Variants in NAALADL2 observed in about 807,000 individuals in gnomAD.
NAALADL2 encodes the protein inactive N-acetylated-alpha-linked acidic dipeptidase-like protein 2.
In NAALADL2, 76 loss-of-function variants were observed where a neutral mutation model predicts 87.2. That is an observed-to-expected ratio of 0.87 (90% confidence interval 0.72 to 1.05). The LOEUF (loss-of-function observed/expected upper bound fraction) is 1.05, where lower values mean the gene tolerates loss of function less well. NAALADL2 is among the 50% of genes least tolerant of loss of function. The pLI is 0.00. For synonymous variants in NAALADL2, 354 were observed against 331.0 expected, an observed-to-expected ratio of 1.07 and a Z score of -0.75; for missense variants, 1,089 against 945.8, an observed-to-expected ratio of 1.15 and a Z score of -1.99.
At chr3:175,689,402 T>TCCTAAAATTC (rs1736744978) in intron 11 of NAALADL2, among the ~76,000 whole-genome samples, 1 of 152,100 alleles carries the variant, frequency 6.6e-6, no homozygotes, top group Non-Finnish European at 1.5e-5. Context: ...CTAGGAAGCT[T>TCCTAAAATTC]CAACTATATA....
At chr3:175,534,755 T>G (rs1344977582) in intron 9 of NAALADL2, among the ~76,000 whole-genome samples, 3 of 152,104 alleles carry the variant, frequency 2.0e-5, no homozygotes, top group African/African-American at 7.2e-5. Context: ...ATGCTCCTGG[T>G]AAAAGAATGA....
chr3:174,622,184 G>T (rs1248830439), intron 2 of NAALADL2, among the ~76,000 whole-genome samples: 2 of 152,154 alleles, frequency 1.3e-5, no homozygotes, highest in Non-Finnish European at 2.9e-5. Context: ...TTGCCTCTTA[G>T]CTGGGCAAAT....
chr3:174,886,074 C>T (rs1324727579), intron 1 of NAALADL2, among the ~76,000 whole-genome samples: 2 of 151,438 alleles, frequency 1.3e-5, no homozygotes, highest in Non-Finnish European at 2.9e-5. Context: ...CCACCACGCC[C>T]AGCTAATTTT....
chr3:175,680,642 A>T (rs758757584), intron 11 of NAALADL2, among the ~76,000 whole-genome samples: 1 of 152,196 alleles, frequency 6.6e-6, no homozygotes, highest in Non-Finnish European at 1.5e-5. Context: ...TAGTACAGAT[A>T]AGCAAACTGA....
At chr3:175,674,218 T>C (rs1182201976) in intron 11 of NAALADL2, among the ~76,000 whole-genome samples, 3 of 152,030 alleles carry the variant, frequency 2.0e-5, no homozygotes, top group African/African-American at 7.2e-5. Flanking sequence ...TTGCATTTTG[T>C]TTTGTAAAAG....
intron 11 of NAALADL2, among the ~76,000 whole-genome samples, chr3:175,720,192 C>T (rs1742032009): frequency 6.6e-6 from 1 of 152,082 alleles, no homozygotes. Context: ...GTATACACAA[C>T]AATCCATCTG....
chr3:175,732,401 T>G (rs988463176), intron 11 of NAALADL2, among the ~76,000 whole-genome samples: 8 of 152,180 alleles, frequency 5.3e-5, no homozygotes, highest in Non-Finnish European at 1.2e-4. Flanking sequence ...TTAGGCATAA[T>G]AAATGGACCT....
chr3:174,754,780 T>C (rs1241426560), intron 3 of NAALADL2, among the ~76,000 whole-genome samples: 1 of 152,208 alleles, frequency 6.6e-6, no homozygotes, highest in African/African-American at 2.4e-5. Flanking sequence ...TTTTAATCTT[T>C]CTTTCAGTCT....
chr3:175,377,877 T>C (rs1327175479), intron 5 of NAALADL2, among the ~76,000 whole-genome samples: 3 of 152,238 alleles, frequency 2.0e-5, no homozygotes, highest in East Asian at 3.9e-4. Flanking sequence ...GAAGATTACC[T>C]TCCCACCCCA....
At chr3:175,533,703 G>A (rs536750000) in intron 9 of NAALADL2, among the ~76,000 whole-genome samples, 3 of 152,140 alleles carry the variant, frequency 2.0e-5, no homozygotes, top group Non-Finnish European at 2.9e-5. Flanking sequence ...GAGGCTGTGC[G>A]TGCACCTTTC....
chr3:175,679,672 C>T (rs1671730062), intron 11 of NAALADL2, among the ~76,000 whole-genome samples: 3 of 152,094 alleles, frequency 2.0e-5, no homozygotes, highest in Non-Finnish European at 4.4e-5. Context: ...CTGAGTCAAA[C>T]CAGTCAATAC....
intron 2 of NAALADL2, among the ~76,000 whole-genome samples, chr3:174,686,865 G>A (rs552063): frequency 0.75 from 114,285 of 151,968 alleles, 43,142 homozygotes; most frequent in East Asian, 0.9. Context: ...CAACCTAAGC[G>A]GTACCACTTA....
At chr3:175,199,182 G>A (rs1255252588) in intron 2 of NAALADL2, among the ~76,000 whole-genome samples, 1 of 152,098 alleles carries the variant, frequency 6.6e-6, no homozygotes, top group African/African-American at 2.4e-5. Flanking sequence ...TTTCTCCAAG[G>A]CCTCTTTTGA....
chr3:175,616,875 G>T (rs141135276), intron 10 of NAALADL2, among the ~76,000 whole-genome samples: 49 of 152,188 alleles, frequency 3.2e-4, no homozygotes, highest in Non-Finnish European at 4.9e-4. Flanking sequence ...ATTGTCTTTG[G>T]TTAGGGAGGA....
At chr3:175,387,353 CT>C (rs1768521628) in intron 5 of NAALADL2, among the ~76,000 whole-genome samples, 1 of 152,038 alleles carries the variant, frequency 6.6e-6, no homozygotes, top group Admixed American at 6.6e-5. Context: ...CATGTATTAG[CT>C]AGAATACTTC....
At chr3:175,769,228 C>T (rs1448491564) in intron 13 of NAALADL2, among the ~76,000 whole-genome samples, 1 of 152,194 alleles carries the variant, frequency 6.6e-6, no homozygotes, top group African/African-American at 2.4e-5. Context: ...CTGTACCAGA[C>T]ACTGAGAATA....
intron 2 of NAALADL2, among the ~76,000 whole-genome samples, chr3:174,554,677 G>T (rs1712540118): frequency 6.6e-6 from 1 of 152,038 alleles, no homozygotes; most frequent in African/African-American, 2.4e-5. Context: ...AAGTATTGTT[G>T]TACTTTTCTC....
At chr3:175,065,159 G>A (rs1054305208) in intron 1 of NAALADL2, among the ~76,000 whole-genome samples, 3 of 152,078 alleles carry the variant, frequency 2.0e-5, no homozygotes, top group Admixed American at 1.3e-4. Flanking sequence ...AATCCTGGGC[G>A]AGACATTACT....
At chr3:175,156,841 T>C (rs1489438808) in intron 2 of NAALADL2, among the ~76,000 whole-genome samples, 2 of 151,998 alleles carry the variant, frequency 1.3e-5, no homozygotes, top group African/African-American at 4.8e-5. Flanking sequence ...AGTTAAAAAA[T>C]AGATGTTTAA....
Sources: allele counts gnomAD v4.1 joint callset (sites outside exome capture counted in the v4.1 genomes callset), GRCh38; gene constraint gnomAD v4.1.1; transcripts MANE v1.5; gene names NCBI Gene and HGNC (gene_info 2026-07-23, HGNC 2026-07-21).